The following CNTN5 variants were observed in gnomAD, a reference collection of about 807,000 sequenced individuals.
The protein encoded by CNTN5 is contactin 5.
Under a neutral mutation model 129.1 loss-of-function variants are expected in CNTN5, and 77 were observed. The ratio of observed to expected loss-of-function variants is 0.60; its 90% CI spans 0.50 to 0.72. The LOEUF (loss-of-function observed/expected upper bound fraction) is 0.72. Among genes scored for constraint, CNTN5 ranks in the 30% least tolerant of loss-of-function variants. The pLI, the probability that CNTN5 is intolerant of heterozygous loss-of-function variation, is 0.00. For synonymous variants in CNTN5, 509 were observed against 465.6 expected (o/e 1.09, Z -1.20); for missense variants, 1,478 against 1,328.8 (o/e 1.11, Z -1.75).
intron 3 of CNTN5, among the ~76,000 whole-genome samples, chr11:99,790,864 G>C (rs912669602): frequency 5.3e-5 from 8 of 151,858 alleles, no homozygotes; most frequent in African/African-American, 1.9e-4. Context: ...TTGCCATTTT[G>C]ACTGTTGTCT....
chr11:99,282,216 C>T lies in CNTN5; in HGVS notation c.-209-43130C>T, dbSNP rs570407630. On this transcript the variant is annotated intron_variant, in intron 1 of 24. Transcript: ENST00000524871. ...CTTAAGTGTTGAAAACAAACAAGAACATAAACATCCACTAAGCAAGTTAAT... is the reference window on the plus strand; with the variant it reads ...CTTAAGTGTTGAAAACAAACAAGAATATAAACATCCACTAAGCAAGTTAAT... 2.0e-5 allele frequency among the ~76,000 whole-genome samples: 3 copies of T among 151,974 alleles called. No individual in the cohort carries two copies. The East Asian group carries it at 5.8e-4, about 29-fold the overall frequency.
Position 100,297,649 on chromosome 11 carries a change from T to G in CNTN5, c.2339T>G (p.Val780Gly). The change falls in exon 19 of 25, where the codon GTA becomes GGA. Residue 780 changes from valine to glycine, a missense_variant. Coordinates refer to ENST00000524871, the MANE Select transcript of CNTN5 (RefSeq NM_014361.4). ...EAVPKTAPTNVSGRSGRRHEL... is the reference protein window; with the variant it reads ...EAVPKTAPTNGSGRSGRRHEL... ...GTTCCGAAGACAGCACCCACCAATG[T>G]AAGCGGAAGAAGTGGAAGAAGGCAT... The G allele has an allele frequency of 6.2e-7, 1 of 1,606,642 alleles. No individual in the cohort carries two copies. Among genetic ancestry groups the G allele is most frequent in the Non-Finnish European group, 8.5e-7 (1 of 1,175,648 alleles).
At chr11:99,043,384 T>C (rs574932043) in intron 1 of CNTN5, among the ~76,000 whole-genome samples, 7 of 148,660 alleles carry the variant, frequency 4.7e-5, no homozygotes, top group Admixed American at 1.4e-4. Context: ...TGTATACATA[T>C]GTAACTAACC....
intron 2 of CNTN5, among the ~76,000 whole-genome samples, chr11:99,474,248 G>T (rs1389350336): frequency 6.6e-6 from 1 of 151,760 alleles, no homozygotes; most frequent in Non-Finnish European, 1.5e-5. Flanking sequence ...TTTCTTTGTT[G>T]ATTTTGATAT....
chr11:99,061,460 C>T (rs559950560), intron 1 of CNTN5, among the ~76,000 whole-genome samples: 64 of 152,124 alleles, frequency 4.2e-4, no homozygotes, highest in Middle Eastern at 3.4e-3. Flanking sequence ...CCTCAACCAC[C>T]AGGAAGGCCA....
At chr11:99,911,750 AAAG>A (rs1415716102) in intron 6 of CNTN5, among the ~76,000 whole-genome samples, 1 of 151,740 alleles carries the variant, frequency 6.6e-6, no homozygotes. Flanking sequence ...AAAAAAAAAA[AAAG>A]AAAAATAACT....
At chr11:99,631,478 TATA>T (rs1488614054) in intron 3 of CNTN5, among the ~76,000 whole-genome samples, 1 of 151,976 alleles carries the variant, frequency 6.6e-6, no homozygotes, top group African/African-American at 2.4e-5. Context: ...TGAAAATAAT[TATA>T]ATGCTGAAAA....
At chr11:100,023,504 T>A (rs1081366) in intron 9 of CNTN5, among the ~76,000 whole-genome samples, 1 of 151,974 alleles carries the variant, frequency 6.6e-6, no homozygotes. Context: ...TACAGTGACA[T>A]ATTATTATCA....
intron 2 of CNTN5, among the ~76,000 whole-genome samples, chr11:99,454,695 A>G (rs1325974303): frequency 6.6e-6 from 1 of 152,188 alleles, no homozygotes; most frequent in Non-Finnish European, 1.5e-5. Context: ...ACAATTCTTT[A>G]TAGCAGTGTG....
rs191692621 is a variant in CNTN5, at chr11:99,794,811, C to G, written c.56-24733C>G. Among the ~76,000 whole-genome samples the G allele has an allele frequency of 1.3e-4, 20 of 152,070 alleles. 1 individual carries two copies. The South Asian group carries it at 3.7e-3, about 28-fold the overall frequency. ...GGCCCACTGTTAGCCTGGTGGGACTCCCTTTGTAGATGACCTATCCTTTCT... is the reference window on the plus strand; with the variant it reads ...GGCCCACTGTTAGCCTGGTGGGACTGCCTTTGTAGATGACCTATCCTTTCT... On this transcript the variant is annotated intron_variant, in intron 3 of 24. Transcript: ENST00000524871.
At chr11:100,191,452 T>C (rs1013498084) in intron 14 of CNTN5, among the ~76,000 whole-genome samples, 199 bp downstream of exon 14, 4 of 152,120 alleles carry the variant, frequency 2.6e-5, no homozygotes, top group Non-Finnish European at 4.4e-5. Context: ...AAGGAACCTC[T>C]TATTGGCAGA....
intron 6 of CNTN5, among the ~76,000 whole-genome samples, chr11:99,851,828 A>G (rs915376149): frequency 6.6e-6 from 1 of 152,120 alleles, no homozygotes; most frequent in Non-Finnish European, 1.5e-5. Flanking sequence ...TTAACCTTTC[A>G]TTTTCATATA....
chr11:100,308,693 T>C, intron 21 of CNTN5: 1 of 1,128,774 alleles, frequency 8.9e-7, no homozygotes, highest in East Asian at 4.6e-5. Context: ...AAAGATGTTT[T>C]TAAAAGATGA....
intron 20 of CNTN5, among the ~76,000 whole-genome samples, chr11:100,305,585 A>C (rs1352850437): frequency 6.6e-6 from 1 of 151,738 alleles, no homozygotes; most frequent in Non-Finnish European, 1.5e-5. Context: ...AGTGACTTCT[A>C]GAGTCCTTTC....
At chr11:100,249,040 A>G (rs772920037) in intron 16 of CNTN5, among the ~76,000 whole-genome samples, 52 of 152,300 alleles carry the variant, frequency 3.4e-4, no homozygotes, top group Admixed American at 7.2e-4. Flanking sequence ...TCCACTTTCA[A>G]GTACTACTTC....
At chr11:100,040,981 G>T (rs186706308) in intron 9 of CNTN5, among the ~76,000 whole-genome samples, 6 of 152,270 alleles carry the variant, frequency 3.9e-5, no homozygotes, top group African/African-American at 1.4e-4. Context: ...TGCACCCACT[G>T]TCCTGCACCT....
chr11:99,482,819 A>T (rs1240918818), intron 2 of CNTN5, among the ~76,000 whole-genome samples: 1 of 152,110 alleles, frequency 6.6e-6, no homozygotes, highest in African/African-American at 2.4e-5. Flanking sequence ...AAAATCTTTT[A>T]CTCTGTGAAA....
intron 16 of CNTN5, among the ~76,000 whole-genome samples, chr11:100,231,358 A>G (rs1949484030): frequency 6.6e-6 from 1 of 152,188 alleles, no homozygotes; most frequent in Non-Finnish European, 1.5e-5. Flanking sequence ...AAAAGGCAAT[A>G]ATAGAGACAG....
chr11:99,760,160 C>A lies in CNTN5; in HGVS notation c.56-59384C>A, dbSNP rs149881751. 8.9e-4 allele frequency among the ~76,000 whole-genome samples: 135 copies of A among 152,254 alleles called. 1 individual carries two copies. In the East Asian group the frequency reaches 0.019, roughly 22 times the overall value. On this transcript the variant is annotated intron_variant, in intron 3 of 24. Coordinates refer to ENST00000524871, the MANE Select transcript of CNTN5 (RefSeq NM_014361.4). ...GAAATCCTAACAGACAGAATCTGTGCTAAATAAGCAGGTGGTGTGAAGTGT... is the reference window on the plus strand; with the variant it reads ...GAAATCCTAACAGACAGAATCTGTGATAAATAAGCAGGTGGTGTGAAGTGT...
Sources: allele counts gnomAD v4.1 joint callset (sites outside exome capture counted in the v4.1 genomes callset), GRCh38; gene constraint gnomAD v4.1.1; transcripts MANE v1.5; gene names NCBI Gene and HGNC (gene_info 2026-07-23, HGNC 2026-07-21).